The following GALNT15 variants were observed in gnomAD, a reference collection of about 807,000 sequenced individuals.
GALNT15 encodes the protein UDP-GalNAc transferase T15.
GALNT15 carries 67 observed loss-of-function variants against 66.8 expected under a neutral mutation model. The ratio of observed to expected loss-of-function variants is 1.00; its 90% CI spans 0.82 to 1.23. GALNT15 has a LOEUF of 1.23. Ranked by LOEUF, GALNT15 falls within the 50% of genes most tolerant of loss-of-function variation. The probability of loss-of-function intolerance (pLI) is 0.00; values close to 1 mark genes in which losing one functional copy is unlikely to be tolerated. For missense variants in GALNT15, 827 were observed against 804.3 expected, an observed-to-expected ratio of 1.03 and a Z score of -0.34; for synonymous variants, 313 against 311.5, an observed-to-expected ratio of 1.00 and a Z score of -0.05.
In GALNT15 at chr3:16,180,271, T is replaced by C. The variant is rs1196876435; in HGVS notation, c.539+4581T>C. On this transcript the variant is annotated intron_variant, in intron 1 of 9. Transcript: ENST00000339732. The surrounding 1 kb of genome is among the most constrained non-coding windows in gnomAD (Gnocchi z 5.0). ...CCTCTGCTCTAAGGCACACTCTTTA[T>C]GCCGAACAGACTGGCCAGAGCAGTG... Among the ~76,000 whole-genome samples, 1 of 152,256 alleles carries C rather than the reference T, an allele frequency of 6.6e-6. No individual in the cohort carries two copies. The highest frequency in any genetic ancestry group is 2.1e-4 in the South Asian group (1 of 4,836).
At chr3:16,217,479 G>C (rs549679490) in intron 6 of GALNT15, among the ~76,000 whole-genome samples, 1 of 152,258 alleles carries the variant, frequency 6.6e-6, no homozygotes, top group Non-Finnish European at 1.5e-5. Flanking sequence ...GAAGGTATTT[G>C]ATAGCATGAA....
Position 16,190,334 on chromosome 3 carries a change from A to G in GALNT15, c.540-5426A>G, listed in dbSNP as rs149406933. Among the ~76,000 whole-genome samples, 58 of 152,276 alleles carry G rather than the reference A, an allele frequency of 3.8e-4. 1 individual carries two copies. Among genetic ancestry groups the G allele is most frequent in the African/African-American group, 1.3e-3 (53 of 41,550 alleles). ...CCTCAGGCTCCCCCTCCAGCCCACT[A>G]GAAACAAAACAATCCCTGGCTAGGC... On this transcript the variant is annotated intron_variant, in intron 1 of 9. Coordinates refer to ENST00000339732, the MANE Select transcript of GALNT15 (RefSeq NM_054110.5).
chr3:16,246,227 A>G, the GALNT15 span, among the ~76,000 whole-genome samples: 11 of 152,034 alleles, frequency 7.2e-5, no homozygotes, highest in Admixed American at 6.5e-4. Flanking sequence ...CTCCACTCAG[A>G]GCACACTGGC....
the GALNT15 span, among the ~76,000 whole-genome samples, chr3:16,245,022 A>T: frequency 3.9e-5 from 6 of 152,224 alleles, no homozygotes; most frequent in South Asian, 1.0e-3. Context: ...GAGTTACTCA[A>T]ACATCCAGGG....
In GALNT15 at chr3:16,219,550, G is replaced by C. The variant is rs2063918289; in HGVS notation, c.1524+16G>C. On this transcript the variant is annotated intron_variant, in intron 7 of 9. Coordinates refer to ENST00000339732, the MANE Select transcript of GALNT15 (RefSeq NM_054110.5). The surrounding 1 kb of genome is among the most constrained non-coding windows in gnomAD (Gnocchi z 4.3). ...CTCTGGAAAGGCAAGGCATGACCCA[G>C]GGAAGATGGGGAGGGACAGGGAAGC... The C allele has an allele frequency of 1.2e-6, 2 of 1,612,770 alleles. No homozygotes were observed. Among genetic ancestry groups the C allele is most frequent in the South Asian group, 1.1e-5 (1 of 90,804 alleles).
chr3:16,233,380 C>A (rs907615369), downstream of GALNT15, among the ~76,000 whole-genome samples: 3 of 152,068 alleles, frequency 2.0e-5, no homozygotes, highest in African/African-American at 7.2e-5. Context: ...CAGGCGTGAG[C>A]CACCACGCCC....
intron 2 of GALNT15, among the ~76,000 whole-genome samples, chr3:16,199,974 A>G (rs1280023034): frequency 6.6e-6 from 1 of 152,236 alleles, no homozygotes; most frequent in African/African-American, 2.4e-5. Flanking sequence ...TCACACTGCT[A>G]TAAAGAACTG....
At chr3:16,232,508 A>ATATATATATATT (rs1553689265), downstream of GALNT15, among the ~76,000 whole-genome samples, 1 of 78,598 alleles carries the variant, frequency 1.3e-5, no homozygotes, top group Non-Finnish European at 2.4e-5. Context: ...ATATATATAT[A>ATATATATATATT]TATTTATTTA....
intron 2 of GALNT15, among the ~76,000 whole-genome samples, chr3:16,197,446 C>G (rs1489830012): frequency 6.6e-6 from 1 of 152,218 alleles, no homozygotes; most frequent in African/African-American, 2.4e-5. Flanking sequence ...TCCCTCTCCT[C>G]TGTGTGCTTG....
At chr3:16,196,241 C>T (rs934389621) in intron 2 of GALNT15, among the ~76,000 whole-genome samples, 4 of 152,218 alleles carry the variant, frequency 2.6e-5, no homozygotes, top group African/African-American at 9.6e-5. Context: ...TCCAACAATC[C>T]TCTCTCCAAG....
At chr3:16,201,763 C>T (rs764888671) in intron 3 of GALNT15, among the ~76,000 whole-genome samples, 5 of 152,132 alleles carry the variant, frequency 3.3e-5, no homozygotes, top group Non-Finnish European at 7.4e-5. Context: ...CCCATCTGAC[C>T]GTCAATCTCT....
downstream of GALNT15, among the ~76,000 whole-genome samples, chr3:16,236,345 C>G (rs2064125784): frequency 6.6e-6 from 1 of 152,044 alleles, no homozygotes; most frequent in Admixed American, 6.6e-5. Context: ...TTTTTGCAGA[C>G]TCTGTTAACT....
the GALNT15 span, among the ~76,000 whole-genome samples, chr3:16,237,373 A>G: frequency 2.0e-5 from 3 of 152,184 alleles, no homozygotes; most frequent in African/African-American, 7.2e-5. This position sits in a 1 kb window ranked among gnomAD's most constrained non-coding sequence, Gnocchi z 4.2. Context: ...CCAGCCCATC[A>G]TGCCCCTTCA....
rs12494898 is a variant in GALNT15 at position 16,200,213 on chromosome 3, A to T, written c.707-406A>T. Among the ~76,000 whole-genome samples, 29,150 of 152,056 alleles carry T rather than the reference A, an allele frequency of 0.19. 2,973 individuals are homozygous for T. Among genetic ancestry groups the T allele is most frequent in the South Asian group, 0.32 (1,525 of 4,812 alleles). On this transcript the variant is annotated intron_variant, in intron 2 of 9. Transcript: ENST00000339732. The surrounding 1 kb of genome is among the most constrained non-coding windows in gnomAD (Gnocchi z 4.4). ...GAGAACAGCATGGGGGAAACTGCCCACATGATCCAATCACCTCCCACCAGG... is the reference window on the plus strand; with the variant it reads ...GAGAACAGCATGGGGGAAACTGCCCTCATGATCCAATCACCTCCCACCAGG...
chr3:16,195,706 A>ATCTCG lies in GALNT15; in HGVS notation c.540-54_540-53insTCTCG. ...AAAGGAAGCGAGTTAGAGGGTGTGG[A>ATCTCG]GTGTTTCTTGTGGCCTTCTCTTCCC... On this transcript the variant is annotated intron_variant, in intron 1 of 9. Transcript: ENST00000339732. The surrounding 1 kb of genome is among the most constrained non-coding windows in gnomAD (Gnocchi z 4.6). The ATCTCG allele has an allele frequency of 3.4e-5, 52 of 1,520,106 alleles. No individual in the cohort carries two copies. The highest frequency in any genetic ancestry group is 1.4e-4 in the East Asian group (6 of 43,998). 94.2% of individuals were successfully genotyped at this position (1,520,106 alleles called of 1,614,324 possible). A position where few individuals can be genotyped will look rare whatever the true frequency, so the allele number is the denominator to read the frequency against.
intron 2 of GALNT15, 135 bp downstream of exon 2, chr3:16,196,061 T>C: frequency 1.2e-6 from 1 of 827,172 alleles, no homozygotes; most frequent in Non-Finnish European, 1.9e-6. Flanking sequence ...TGAGGATTAA[T>C]GGGCAAGTAA....
At chr3:16,221,133 A>G (rs943783633) in intron 8 of GALNT15, among the ~76,000 whole-genome samples, 2 of 152,102 alleles carry the variant, frequency 1.3e-5, no homozygotes, top group African/African-American at 4.8e-5. Context: ...CCTGCAATTA[A>G]GAATAATGCA....
At chr3:16,231,732 C>G (rs1417635733), downstream of GALNT15, 1 of 1,324,706 alleles carries the variant, frequency 7.5e-7, no homozygotes, top group Non-Finnish European at 1.0e-6. This position sits in a 1 kb window ranked among gnomAD's most constrained non-coding sequence, Gnocchi z 4.1. Context: ...GTACCTATGA[C>G]AAATGCTAAA....
intron 2 of GALNT15, among the ~76,000 whole-genome samples, chr3:16,197,778 A>C (rs1316854913): frequency 6.6e-6 from 1 of 152,138 alleles, no homozygotes; most frequent in Non-Finnish European, 1.5e-5. Flanking sequence ...AGTCAGTATT[A>C]CTGCTGTTTT....
Sources: allele counts gnomAD v4.1 joint callset (sites outside exome capture counted in the v4.1 genomes callset), GRCh38; gene constraint gnomAD v4.1.1; non-coding constraint Gnocchi (gnomAD v3.1); transcripts MANE v1.5; gene names NCBI Gene and HGNC (gene_info 2026-07-23, HGNC 2026-07-21).